The following HIVEP3 variants were observed in gnomAD, a reference collection of about 807,000 sequenced individuals.
HIVEP3 encodes the protein transcription factor HIVEP3.
A neutral mutation model predicts 152.8 loss-of-function variants in HIVEP3; 49 were observed. That is an observed-to-expected ratio of 0.32 (90% CI 0.26 to 0.41). The LOEUF is 0.41. Ranked by LOEUF, HIVEP3 falls within the 10% of genes least tolerant of loss-of-function variation. The probability of loss-of-function intolerance (pLI) is 1.00; values close to 1 mark genes in which losing one functional copy is unlikely to be tolerated. For synonymous variants in HIVEP3, 1,269 were observed against 1,289.0 expected (o/e 0.98, Z 0.33); for missense variants, 2,790 against 3,103.3 (o/e 0.90, Z 2.40).
rs144383940 is a variant in HIVEP3, at chr1:41,561,891, G to A, written c.5207+13653C>T. Among the ~76,000 whole-genome samples, 819 of 152,136 alleles carry A rather than the reference G, an allele frequency of 5.4e-3. 9 individuals carry two copies. The highest frequency in any genetic ancestry group is 0.019 in the African/African-American group (781 of 41,496). ...ACTTTTCTCTCTTCTATGATGTGCC[G>A]TCCACACATGGCCACCAAAGACACA... On this transcript the variant is annotated intron_variant, in intron 5 of 8. Transcript: ENST00000372583.
chr1:41,698,407 T>G (rs988845807), intron 2 of HIVEP3, among the ~76,000 whole-genome samples: 1 of 152,190 alleles, frequency 6.6e-6, no homozygotes, highest in Non-Finnish European at 1.5e-5. Flanking sequence ...TTGCAGGTAA[T>G]GTGTGCCTTC....
intron 3 of HIVEP3, among the ~76,000 whole-genome samples, chr1:41,603,861 G>A (rs990272128): frequency 3.9e-5 from 6 of 152,090 alleles, no homozygotes; most frequent in African/African-American, 7.2e-5. Context: ...AGTGTTGTTC[G>A]AGTCATTTGC....
intron 1 of HIVEP3, among the ~76,000 whole-genome samples, chr1:41,750,032 T>C (rs907640): frequency 0.83 from 125,830 of 152,220 alleles, 55,267 homozygotes; most frequent in Non-Finnish European, 0.98. Flanking sequence ...CAAGCTGCTC[T>C]GGTTCTGTAA....
At chr1:41,686,547 A>G (rs1302752911) in intron 2 of HIVEP3, among the ~76,000 whole-genome samples, 1 of 152,150 alleles carries the variant, frequency 6.6e-6, no homozygotes, top group African/African-American at 2.4e-5. Context: ...ATGCCTGACC[A>G]CTTCCAGGAC....
chr1:42,001,387 C>A (rs1645426913), intron 1 of HIVEP3, among the ~76,000 whole-genome samples: 1 of 152,166 alleles, frequency 6.6e-6, no homozygotes. Context: ...ATGAAAATAT[C>A]CTCTCCTTTT....
intron 2 of HIVEP3, among the ~76,000 whole-genome samples, chr1:41,676,239 A>G (rs1426706142): frequency 6.6e-6 from 1 of 152,028 alleles, no homozygotes; most frequent in African/African-American, 2.4e-5. Flanking sequence ...TTTAGTAGAG[A>G]CGGGGTTTCA....
chr1:42,032,087 A>C (rs1310967399), intron 1 of HIVEP3, among the ~76,000 whole-genome samples: 2 of 152,216 alleles, frequency 1.3e-5, no homozygotes, highest in African/African-American at 4.8e-5. Context: ...GTGTCACTGG[A>C]CAACAGAATC....
chr1:41,532,607 C>T (rs1370037181), intron 5 of HIVEP3, among the ~76,000 whole-genome samples: 2 of 152,140 alleles, frequency 1.3e-5, no homozygotes, highest in Non-Finnish European at 2.9e-5. Flanking sequence ...ATTTGAGATG[C>T]CTTCTGGGCA....
intron 1 of HIVEP3, 67 bp from the exon 2 acceptor site, chr1:41,701,062 A>G: frequency 1.3e-6 from 1 of 753,350 alleles, no homozygotes; most frequent in Non-Finnish European, 1.6e-6. Context: ...CTGAGTTTGA[A>G]AAAGGCACCC....
At chr1:41,566,419 T>C (rs1434062813) in intron 5 of HIVEP3, among the ~76,000 whole-genome samples, 1 of 152,048 alleles carries the variant, frequency 6.6e-6, no homozygotes, top group Non-Finnish European at 1.5e-5. Flanking sequence ...CTGCCCCTTC[T>C]CTCCTTGGCA....
chr1:41,772,617 G>C (rs1009488471), intron 1 of HIVEP3, among the ~76,000 whole-genome samples: 2 of 152,122 alleles, frequency 1.3e-5, no homozygotes, highest in African/African-American at 4.8e-5. Context: ...AACAAACAAA[G>C]AATAAAATAG....
At chr1:42,027,077 T>G (rs1054588750) in intron 1 of HIVEP3, among the ~76,000 whole-genome samples, 4 of 152,160 alleles carry the variant, frequency 2.6e-5, no homozygotes, top group African/African-American at 9.7e-5. Flanking sequence ...AAGGTTCTGT[T>G]GTTGTTGTTG....
At chr1:41,963,824 T>G (rs897093688) in intron 1 of HIVEP3, among the ~76,000 whole-genome samples, 8 of 152,124 alleles carry the variant, frequency 5.3e-5, no homozygotes, top group African/African-American at 1.7e-4. Context: ...TGATCCAAAC[T>G]TTTTTTCTGC....
At chr1:41,587,614 T>A (rs1644524027) in intron 3 of HIVEP3, among the ~76,000 whole-genome samples, 1 of 152,268 alleles carries the variant, frequency 6.6e-6, no homozygotes, top group African/African-American at 2.4e-5. Context: ...TACATACTTT[T>A]GATCTCTTCT....
At chr1:41,672,786 G>C (rs1645897292) in intron 2 of HIVEP3, among the ~76,000 whole-genome samples, 1 of 152,186 alleles carries the variant, frequency 6.6e-6, no homozygotes, top group African/African-American at 2.4e-5. Context: ...GGAGTGAGGA[G>C]AGTGAAAGAG....
At chr1:41,605,799 T>C (rs530993270) in intron 3 of HIVEP3, among the ~76,000 whole-genome samples, 9 of 151,906 alleles carry the variant, frequency 5.9e-5, no homozygotes, top group South Asian at 2.1e-4. Context: ...GTTAGAGTGT[T>C]GGGTGTGCAG....
chr1:41,793,945 C>T (rs1649840660), intron 1 of HIVEP3, among the ~76,000 whole-genome samples: 1 of 152,294 alleles, frequency 6.6e-6, no homozygotes, highest in African/African-American at 2.4e-5. Flanking sequence ...CATAGATGTA[C>T]CCACCATAAC....
At chr1:41,734,335 A>C (rs566631719) in intron 1 of HIVEP3, among the ~76,000 whole-genome samples, 1 of 152,354 alleles carries the variant, frequency 6.6e-6, no homozygotes, top group South Asian at 2.1e-4. Context: ...GCACAGGTTA[A>C]CTAAAGAACC....
chr1:42,018,317 T>C (rs1399259673), intron 1 of HIVEP3, among the ~76,000 whole-genome samples: 3 of 112,838 alleles, frequency 2.7e-5, no homozygotes, highest in African/African-American at 9.6e-5. Context: ...TCTAAGGATA[T>C]ACAGATATTC....
Sources: allele counts gnomAD v4.1 joint callset (sites outside exome capture counted in the v4.1 genomes callset), GRCh38; gene constraint gnomAD v4.1.1; transcripts MANE v1.5; gene names NCBI Gene and HGNC (gene_info 2026-07-23, HGNC 2026-07-21).